Variants in SND1 observed in about 807,000 individuals in gnomAD.
SND1 encodes the protein staphylococcal nuclease and tudor domain containing 1.
Under a neutral mutation model 121.7 loss-of-function variants are expected in SND1, and 38 were observed. That is an observed-to-expected ratio of 0.31 (90% confidence interval 0.24 to 0.41). The LOEUF (loss-of-function observed/expected upper bound fraction) is 0.41, where lower values mean the gene tolerates loss of function less well. SND1 is among the 10% of genes least tolerant of loss of function. The pLI, the probability that SND1 is intolerant of heterozygous loss-of-function variation, is 1.00. For synonymous variants in SND1, 401 were observed against 447.4 expected (o/e 0.90, Z 1.31); for missense variants, 868 against 1,184.6 (o/e 0.73, Z 3.92).
chr7:127,826,020 A>G (rs1360690100), intron 11 of SND1, among the ~76,000 whole-genome samples: 1 of 151,930 alleles, frequency 6.6e-6, no homozygotes, highest in Non-Finnish European at 1.5e-5. Flanking sequence ...CGAAACCCCC[A>G]TCTCTACTAA....
intron 10 of SND1, among the ~76,000 whole-genome samples, chr7:127,795,013 A>G (rs1049558943): frequency 2.0e-5 from 3 of 152,044 alleles, no homozygotes; most frequent in Non-Finnish European, 4.4e-5. Context: ...CTCTCTGCTC[A>G]TTTTCCTCTA....
At chr7:127,935,278 G>A (rs898993278) in intron 15 of SND1, among the ~76,000 whole-genome samples, 2 of 152,182 alleles carry the variant, frequency 1.3e-5, no homozygotes, top group African/African-American at 2.4e-5. Context: ...GTAACATTCC[G>A]AGGATGTCAG....
intron 10 of SND1, among the ~76,000 whole-genome samples, chr7:127,748,946 A>G (rs988639809): frequency 1.1e-4 from 16 of 152,206 alleles, no homozygotes; most frequent in Non-Finnish European, 1.9e-4. Context: ...CAACAGTAAC[A>G]AAACAGATTC....
chr7:127,960,539 G>A (rs1801707768), intron 15 of SND1, among the ~76,000 whole-genome samples: 1 of 152,200 alleles, frequency 6.6e-6, no homozygotes, highest in Non-Finnish European at 1.5e-5. Flanking sequence ...GCTGAGCATT[G>A]AGTCTCCACC....
chr7:127,813,523 C>T (rs184315322), intron 11 of SND1, among the ~76,000 whole-genome samples: 1 of 152,242 alleles, frequency 6.6e-6, no homozygotes, highest in African/African-American at 2.4e-5. Context: ...GCTGAGCACA[C>T]ATTTCTTTGG....
intron 12 of SND1, chr7:127,858,190 C>T: frequency 1.3e-6 from 1 of 789,982 alleles, no homozygotes; most frequent in African/African-American, 1.7e-5. Context: ...AACCCTTCAG[C>T]CGCATGGCCA....
chr7:127,969,999 C>T (rs1214435848), intron 15 of SND1, among the ~76,000 whole-genome samples: 5 of 152,302 alleles, frequency 3.3e-5, no homozygotes, highest in African/African-American at 9.6e-5. Context: ...CAGTGCCCTA[C>T]GCAGCAGAAG....
At chr7:127,801,666 T>G (rs2116564495) in intron 10 of SND1, among the ~76,000 whole-genome samples, 1 of 152,274 alleles carries the variant, frequency 6.6e-6, no homozygotes, top group East Asian at 1.9e-4. Context: ...CAATCTGAAA[T>G]CAAACCCAAA....
chr7:127,717,218 T>C (rs1796407721), intron 9 of SND1, among the ~76,000 whole-genome samples: 1 of 152,254 alleles, frequency 6.6e-6, no homozygotes, highest in Non-Finnish European at 1.5e-5. Flanking sequence ...TATATCAATA[T>C]AGATACATTT....
At chr7:127,848,137 C>G (rs1020596767) in intron 12 of SND1, among the ~76,000 whole-genome samples, 1 of 152,208 alleles carries the variant, frequency 6.6e-6, no homozygotes, top group Non-Finnish European at 1.5e-5. Context: ...TGCACATGCC[C>G]TGTCTCCATG....
chr7:127,878,606 C>T (rs895821938), intron 12 of SND1, among the ~76,000 whole-genome samples: 8 of 152,004 alleles, frequency 5.3e-5, no homozygotes, highest in East Asian at 1.9e-4. Flanking sequence ...TATTTTTCTC[C>T]GTTTTCAATC....
intron 11 of SND1, among the ~76,000 whole-genome samples, chr7:127,814,347 C>CA (rs1451215320): frequency 3.3e-5 from 5 of 151,974 alleles, no homozygotes; most frequent in Non-Finnish European, 4.4e-5. Flanking sequence ...CCTTATGTGC[C>CA]AAAAAACCCT....
intron 4 of SND1, among the ~76,000 whole-genome samples, 198 bp downstream of exon 4, chr7:127,699,151 C>CACAGGCTTTG (rs1796058550): frequency 6.6e-6 from 1 of 152,184 alleles, no homozygotes; most frequent in Non-Finnish European, 1.5e-5. Context: ...CTCTTTTAAA[C>CACAGGCTTTG]ACAGGCTTTG....
intron 10 of SND1, among the ~76,000 whole-genome samples, chr7:127,799,476 A>G (rs1004690057): frequency 6.6e-6 from 1 of 152,190 alleles, no homozygotes; most frequent in Non-Finnish European, 1.5e-5. Context: ...GGCCTTAAAG[A>G]TGGGATCAGC....
At chr7:128,006,506 G>C (rs551309926) in intron 16 of SND1, among the ~76,000 whole-genome samples, 23 of 152,340 alleles carry the variant, frequency 1.5e-4, no homozygotes, top group African/African-American at 5.3e-4. Context: ...TCACTCACCT[G>C]GTGGGAGGAC....
Position 128,092,219 on chromosome 7 carries a change from G to A in SND1, c.*161G>A. 1.4e-6 allele frequency: 1 copy of A among 731,284 alleles called. No individual in the cohort carries two copies. The highest frequency in any genetic ancestry group is 2.2e-6 in the Non-Finnish European group (1 of 445,778). The allele number at this position is 731,284 out of a possible 1,614,324, so 45.3% of individuals were successfully genotyped here. Reference sequence around the variant, plus strand: ...CGTGGGGTGGCATCGGGGCTGCGGGGTGGGGACCCCAAGGCTTTCTGGGGC... The same window carrying A: ...CGTGGGGTGGCATCGGGGCTGCGGGATGGGGACCCCAAGGCTTTCTGGGGC... On this transcript the variant is annotated 3_prime_UTR_variant, in exon 24 of 24. Transcript: ENST00000354725. The surrounding 1 kb of genome is among the most constrained non-coding windows in gnomAD (Gnocchi z 4.9).
intron 10 of SND1, among the ~76,000 whole-genome samples, chr7:127,752,436 G>T (rs1797113018): frequency 6.6e-6 from 1 of 152,214 alleles, no homozygotes; most frequent in African/African-American, 2.4e-5. Flanking sequence ...TTTCTTCGGA[G>T]ACCCAGCCAG....
At chr7:127,844,192 G>T in intron 11 of SND1, 132 bp from the exon 12 acceptor site, 1 of 509,178 alleles carries the variant, frequency 2.0e-6, no homozygotes, top group Non-Finnish European at 3.4e-6. Context: ...CTTTTAATTG[G>T]TTTTAAAAAT....
chr7:127,899,123 C>T (rs1234482268), intron 13 of SND1, among the ~76,000 whole-genome samples: 1 of 152,156 alleles, frequency 6.6e-6, no homozygotes, highest in Non-Finnish European at 1.5e-5. Context: ...AGATAGCTGT[C>T]TGTTAAAATA....
Sources: gnomAD v4.1 joint callset for allele counts (sites outside exome capture counted in the v4.1 genomes callset) on GRCh38, gnomAD v4.1.1 for gene constraint, Gnocchi (gnomAD v3.1) non-coding constraint, MANE v1.5 for transcripts, NCBI Gene and HGNC (gene_info 2026-07-23, HGNC 2026-07-21) for gene names.